The following LINGO2 variants were observed in gnomAD, a reference collection of about 807,000 sequenced individuals.
LINGO2 encodes leucine rich repeat and Ig domain containing 2, also known as leucine-rich repeat and immunoglobulin-like domain-containing nogo receptor-interacting protein 2.
In LINGO2, 14 loss-of-function variants were observed where a neutral mutation model predicts 30.6. The ratio of observed to expected loss-of-function variants is 0.46; its 90% CI spans 0.30 to 0.72. LINGO2 has a LOEUF of 0.72. Ranked by LOEUF, LINGO2 falls within the 30% of genes least tolerant of loss-of-function variation. LINGO2 has a pLI of 0.07. For missense variants in LINGO2, 729 were observed against 751.7 expected (o/e 0.97, Z 0.35); for synonymous variants, 317 against 288.5 (o/e 1.10, Z -1.00).
chr9:28,193,198 A>G (rs1043325920), intron 4 of LINGO2, among the ~76,000 whole-genome samples: 2 of 152,122 alleles, frequency 1.3e-5, no homozygotes. Context: ...TTCAACCCCA[A>G]TGCTTTTCCT....
chr9:28,439,205 A>G (rs1824087938), intron 2 of LINGO2, among the ~76,000 whole-genome samples: 1 of 150,546 alleles, frequency 6.6e-6, no homozygotes, highest in Non-Finnish European at 1.5e-5. Flanking sequence ...TATACATTAC[A>G]TATTATGAAA....
chr9:28,951,659 A>C, the LINGO2 span, among the ~76,000 whole-genome samples: 10 of 152,142 alleles, frequency 6.6e-5, no homozygotes, highest in Admixed American at 2.0e-4. Context: ...CTGCATAGCA[A>C]CACTTCTGAG....
At chr9:28,384,329 CTATATA>C (rs3064858) in intron 2 of LINGO2, among the ~76,000 whole-genome samples, 1 of 123,336 alleles carries the variant, frequency 8.1e-6, no homozygotes, top group Non-Finnish European at 1.7e-5. Context: ...ATGTTATGCA[CTATATA>C]TATATATATA....
At chr9:28,450,433 T>A (rs1824604167) in intron 2 of LINGO2, among the ~76,000 whole-genome samples, 1 of 152,048 alleles carries the variant, frequency 6.6e-6, no homozygotes, top group African/African-American at 2.4e-5. Flanking sequence ...CAGAGAACAA[T>A]TAAAGCAGTT....
At chr9:28,385,818 A>G (rs1821556277) in intron 2 of LINGO2, among the ~76,000 whole-genome samples, 2 of 152,190 alleles carry the variant, frequency 1.3e-5, no homozygotes, top group Non-Finnish European at 2.9e-5. Flanking sequence ...AAATGGACCC[A>G]GAGAGAAAGG....
chr9:29,140,533 T>A, the LINGO2 span, among the ~76,000 whole-genome samples: 1 of 151,528 alleles, frequency 6.6e-6, no homozygotes, highest in Non-Finnish European at 1.5e-5. Context: ...AAGGAACATA[T>A]GAAAAATCAT....
intron 2 of LINGO2, among the ~76,000 whole-genome samples, chr9:28,387,129 C>G (rs1482440419): frequency 6.6e-6 from 1 of 152,086 alleles, no homozygotes; most frequent in Non-Finnish European, 1.5e-5. Flanking sequence ...TAAAAATGCA[C>G]CAATCAGCAC....
intron 3 of LINGO2, among the ~76,000 whole-genome samples, chr9:28,311,154 G>A (rs1342760768): frequency 2.0e-5 from 3 of 152,052 alleles, no homozygotes; most frequent in Non-Finnish European, 4.4e-5. Flanking sequence ...TGCCCCCCGA[G>A]CCATAAAACC....
At chr9:29,055,554 T>G in the LINGO2 span, among the ~76,000 whole-genome samples, 4 of 152,140 alleles carry the variant, frequency 2.6e-5, no homozygotes, top group African/African-American at 9.7e-5. Flanking sequence ...TTCAAATCTT[T>G]TTTGTTAACT....
At chr9:28,071,542 T>C (rs1360024726) in intron 4 of LINGO2, among the ~76,000 whole-genome samples, 1 of 151,706 alleles carries the variant, frequency 6.6e-6, no homozygotes, top group Non-Finnish European at 1.5e-5. Context: ...CAACTATTCT[T>C]TAGATGGTCT....
chr9:28,287,214 C>CA (rs1426767456), intron 4 of LINGO2, among the ~76,000 whole-genome samples: 1 of 152,136 alleles, frequency 6.6e-6, no homozygotes, highest in Non-Finnish European at 1.5e-5. Flanking sequence ...CTCAATCATA[C>CA]AAAAAATACT....
At chr9:28,994,467 C>T in the LINGO2 span, among the ~76,000 whole-genome samples, 1 of 151,202 alleles carries the variant, frequency 6.6e-6, no homozygotes, top group Non-Finnish European at 1.5e-5. Context: ...GGATTCAATG[C>T]CATCCCCATC....
intron 1 of LINGO2, among the ~76,000 whole-genome samples, chr9:28,504,415 CA>C (rs141243209): frequency 0.017 from 2,573 of 151,798 alleles, 68 homozygotes; most frequent in East Asian, 0.091. Context: ...TAATGCTTCA[CA>C]AGGGGCCGAT....
the LINGO2 span, among the ~76,000 whole-genome samples, chr9:28,769,508 ATATATATATATTTTTTTTTTTTT>A: frequency 0.026 from 73 of 2,832 alleles, 13 homozygotes; most frequent in South Asian, 0.06. Flanking sequence ...ATATATATAT[ATATATATATATTTTTTTTTTTTT>A]TTTTTTTTTT....
intron 4 of LINGO2, among the ~76,000 whole-genome samples, chr9:28,054,749 A>G (rs773266823): frequency 6.6e-6 from 1 of 152,122 alleles, no homozygotes; most frequent in African/African-American, 2.4e-5. Flanking sequence ...TGATATCCAC[A>G]AATACCATAT....
At chr9:28,366,929 G>T (rs1820701186) in intron 3 of LINGO2, among the ~76,000 whole-genome samples, 2 of 151,930 alleles carry the variant, frequency 1.3e-5, no homozygotes, top group Admixed American at 1.3e-4. Flanking sequence ...TGTATATTTT[G>T]ATAATAATCT....
chr9:28,451,457 T>A (rs1023442715), intron 2 of LINGO2, among the ~76,000 whole-genome samples: 1 of 151,784 alleles, frequency 6.6e-6, no homozygotes, highest in Non-Finnish European at 1.5e-5. Flanking sequence ...AACTCATAGA[T>A]TCAATAAAAC....
intron 4 of LINGO2, among the ~76,000 whole-genome samples, chr9:28,252,783 C>A (rs533622293): frequency 3.2e-4 from 48 of 152,102 alleles, no homozygotes; most frequent in African/African-American, 1.2e-3. Context: ...GTTTGAGTTA[C>A]ACAGTGAGTA....
intron 5 of LINGO2, among the ~76,000 whole-genome samples, chr9:27,985,225 AC>A (rs1195312634): frequency 6.6e-6 from 1 of 151,828 alleles, no homozygotes; most frequent in Non-Finnish European, 1.5e-5. Flanking sequence ...TATATATACA[AC>A]ATGTATTTTT....
Sources: gnomAD v4.1 joint callset for allele counts (sites outside exome capture counted in the v4.1 genomes callset) on GRCh38, gnomAD v4.1.1 for gene constraint, MANE v1.5 for transcripts, NCBI Gene and HGNC (gene_info 2026-07-23, HGNC 2026-07-21) for gene names.